FECH: variants seen among roughly 807,000 people sequenced by gnomAD.
The protein encoded by FECH is ferrochelatase, mitochondrial.
FECH carries 40 observed loss-of-function variants against 56.9 expected under a neutral mutation model. The observed-to-expected ratio is 0.70, with a 90% CI of 0.55 to 0.92. FECH has a LOEUF of 0.92. Ranked by LOEUF, FECH falls within the 40% of genes least tolerant of loss-of-function variation. The pLI, the probability that FECH is intolerant of heterozygous loss-of-function variation, is 0.00. For synonymous variants in FECH, 175 were observed against 198.6 expected (o/e 0.88, Z 1.00); for missense variants, 431 against 529.1 (o/e 0.81, Z 1.82).
chr18:57,561,738 A>T (rs1458570520), intron 6 of FECH, among the ~76,000 whole-genome samples: 1 of 152,184 alleles, frequency 6.6e-6, no homozygotes, highest in Non-Finnish European at 1.5e-5. Flanking sequence ...AGATCCCTCC[A>T]TTCCCTGCTA....
At chr18:57,573,169 G>T in intron 3 of FECH, 77 bp downstream of exon 3, 1 of 1,431,556 alleles carries the variant, frequency 7.0e-7, no homozygotes, top group Non-Finnish European at 9.9e-7. Flanking sequence ...CTATTTACTG[G>T]TTTGAAACTA....
chr18:57,572,580 T>C (rs1436186012), intron 3 of FECH, among the ~76,000 whole-genome samples: 2 of 21,848 alleles, frequency 9.2e-5, no homozygotes, highest in African/African-American at 1.3e-4. Flanking sequence ...CACATTTGTG[T>C]AACGAAGTGG....
chr18:57,570,176 G>A (rs1320673035), intron 4 of FECH, among the ~76,000 whole-genome samples: 2 of 152,114 alleles, frequency 1.3e-5, no homozygotes, highest in Non-Finnish European at 2.9e-5. Context: ...TTACAGGCGT[G>A]AGCCACCACA....
At chr18:57,586,011 C>A (rs1206711569) in intron 1 of FECH, 2 of 153,616 alleles carry the variant, frequency 1.3e-5, no homozygotes, top group Non-Finnish European at 2.9e-5. Context: ...GGAGGCTGTT[C>A]CTGGGTCTTA....
intron 10 of FECH, chr18:57,551,050 G>C (rs1161228828): frequency 5.0e-5 from 34 of 678,532 alleles, no homozygotes; most frequent in Non-Finnish European, 8.5e-5. Flanking sequence ...GATTTCAGGA[G>C]ATGAAAACCT....
At position 57,549,261 on chromosome 18, in the gene FECH, C is replaced by T. The variant is rs2050762880; in HGVS notation, c.*1451G>A. On this transcript the variant is annotated 3_prime_UTR_variant, in exon 11 of 11. Transcript: ENST00000262093. ...TGTTTCTTTTCCTGTATTAAAAAAG[C>T]TCCTCACATTTAATAATTCTGATTT... 6.6e-6 allele frequency: 1 copy of T among 152,040 alleles called. No homozygotes were observed. The highest frequency in any genetic ancestry group is 1.5e-5 in the Non-Finnish European group (1 of 68,016). The allele number at this position is 152,040 out of a possible 1,614,324, so 9.4% of individuals were successfully genotyped here.
chr18:57,584,846 GA>G (rs1359329873), intron 1 of FECH, among the ~76,000 whole-genome samples: 2 of 142,866 alleles, frequency 1.4e-5, no homozygotes, highest in African/African-American at 2.6e-5. Context: ...TATGCTCAGT[GA>G]AAAAAAATGT....
At position 57,548,367 on chromosome 18, in the gene FECH, T is replaced by G. The variant is rs777454486; in HGVS notation, c.*2345A>C. 1 of 152,206 alleles carries G rather than the reference T, an allele frequency of 6.6e-6. No homozygotes were observed. The highest frequency in any genetic ancestry group is 1.5e-5 in the Non-Finnish European group (1 of 68,036). The allele number at this position is 152,206 out of a possible 1,614,324, so 9.4% of individuals were successfully genotyped here. The stretch of plus-strand genomic sequence containing the variant: ...AGTTAAGTAGTTCAAGAATGCATAT[T>G]CTTTAGAAGAGCACTATACATGCAG... On this transcript the variant is annotated 3_prime_UTR_variant, in exon 11 of 11. Coordinates refer to ENST00000262093, the MANE Select transcript of FECH (RefSeq NM_000140.5).
intron 3 of FECH, chr18:57,573,036 G>A (rs1320734604): frequency 1.3e-5 from 8 of 594,912 alleles, no homozygotes; most frequent in African/African-American, 1.3e-4. Flanking sequence ...GGAGCAAAGG[G>A]CTCAAGGAGA....
chr18:57,570,045 G>A (rs2122315270), intron 4 of FECH, among the ~76,000 whole-genome samples: 1 of 107,208 alleles, frequency 9.3e-6, no homozygotes. Context: ...GTGTGTGTGT[G>A]TGTGTGTGTG....
Position 57,550,628 on chromosome 18 carries a change from T to C in FECH, c.*84A>G, listed in dbSNP as rs2050784426. 1 of 1,571,884 alleles carries C rather than the reference T, an allele frequency of 6.4e-7. No homozygotes were observed. Among genetic ancestry groups the C allele is most frequent in the Non-Finnish European group, 8.7e-7 (1 of 1,145,530 alleles). On this transcript the variant is annotated 3_prime_UTR_variant, in exon 11 of 11. Transcript: ENST00000262093. Reference sequence around the variant, plus strand: ...ATCAAGGAAGGATGACTTCCTTCCTTGATCTCTAAATAACACCCTCTCCAC... The same window carrying C: ...ATCAAGGAAGGATGACTTCCTTCCTCGATCTCTAAATAACACCCTCTCCAC...
At chr18:57,578,759 A>G (rs1348607610) in intron 2 of FECH, among the ~76,000 whole-genome samples, 1 of 151,728 alleles carries the variant, frequency 6.6e-6, no homozygotes, top group African/African-American at 2.4e-5. Context: ...CAGGAGTTCG[A>G]GACCAGCCTG....
intron 3 of FECH, among the ~76,000 whole-genome samples, chr18:57,571,948 A>G (rs2051116642): frequency 6.6e-6 from 1 of 152,254 alleles, no homozygotes; most frequent in Admixed American, 6.5e-5. Context: ...TTATAGATAC[A>G]CTTGCATATA....
At chr18:57,570,627 G>A (rs1202412654) in intron 4 of FECH, among the ~76,000 whole-genome samples, 2 of 152,196 alleles carry the variant, frequency 1.3e-5, no homozygotes, top group Admixed American at 1.3e-4. Context: ...GTCCTAAGAT[G>A]TACATTTTTT....
chr18:57,545,273 C>T lies in FECH; in HGVS notation c.*5439G>A, dbSNP rs1480229470. Among the ~76,000 whole-genome samples, 3 of 152,154 alleles carry T rather than the reference C, an allele frequency of 2.0e-5. No homozygotes were observed. Among genetic ancestry groups the T allele is most frequent in the African/African-American group, 7.2e-5 (3 of 41,440 alleles). On this transcript the variant is annotated 3_prime_UTR_variant, in exon 11 of 11. Transcript: ENST00000262093. ...TTTTTTCCAAAAATGTTTTTAATTC[C>T]AACATCCATCTTAATGGCCTACTGT...
intron 2 of FECH, among the ~76,000 whole-genome samples, chr18:57,577,126 G>A (rs1178788163): frequency 6.6e-6 from 1 of 152,144 alleles, no homozygotes; most frequent in African/African-American, 2.4e-5. Flanking sequence ...TCAAGAAAAA[G>A]TAATACGATC....
At position 57,586,642 on chromosome 18, in the gene FECH, A is replaced by T. The variant is rs772111022; in HGVS notation, c.-22T>A. The T allele has an allele frequency of 6.7e-7, 1 of 1,497,292 alleles. No homozygotes were observed. Among genetic ancestry groups the T allele is most frequent in the South Asian group, 1.2e-5 (1 of 80,442 alleles). The allele number at this position is 1,497,292 out of a possible 1,614,324, so 92.8% of individuals were successfully genotyped here. A position where few individuals can be genotyped will look rare whatever the true frequency, so the allele number is the denominator to read the frequency against. On this transcript the variant is annotated 5_prime_UTR_variant, in exon 1 of 11. Coordinates refer to ENST00000262093, the MANE Select transcript of FECH (RefSeq NM_000140.5). ...GCATTGCCTGGGCAGCCTCGGCCCG[A>T]GTCCGGGCTCCTCCCGCGGCGGCGC...
chr18:57,585,530 C>T (rs752971600), intron 1 of FECH, among the ~76,000 whole-genome samples: 24 of 152,196 alleles, frequency 1.6e-4, no homozygotes, highest in Non-Finnish European at 2.8e-4. Context: ...AAAAACAATG[C>T]CCTTTGTCCC....
intron 4 of FECH, among the ~76,000 whole-genome samples, chr18:57,566,799 C>T (rs1392327141): frequency 6.6e-6 from 1 of 152,126 alleles, no homozygotes; most frequent in Non-Finnish European, 1.5e-5. Flanking sequence ...GTACCCCACC[C>T]ACACACCTTT....
Sources: allele counts gnomAD v4.1 joint callset (sites outside exome capture counted in the v4.1 genomes callset), GRCh38; gene constraint gnomAD v4.1.1; transcripts MANE v1.5; gene names NCBI Gene and HGNC (gene_info 2026-07-23, HGNC 2026-07-21).